Variants in UBN2 observed in about 807,000 individuals in gnomAD.
The protein encoded by UBN2 is ubinuclein 2.
In UBN2, 35 loss-of-function variants were observed where a neutral mutation model predicts 120.2. That is an observed-to-expected ratio of 0.29 (90% CI 0.22 to 0.39). The LOEUF is 0.39. Ranked by LOEUF, UBN2 falls within the 10% of genes least tolerant of loss-of-function variation. The probability of loss-of-function intolerance (pLI) is 1.00; values close to 1 mark genes in which losing one functional copy is unlikely to be tolerated. For synonymous variants in UBN2, 661 were observed against 648.7 expected (o/e 1.02, Z -0.29); for missense variants, 1,693 against 1,663.2 (o/e 1.02, Z -0.31).
intron 13 of UBN2, among the ~76,000 whole-genome samples, chr7:139,279,827 CTT>C (rs1423074764): frequency 2.0e-5 from 3 of 152,092 alleles, no homozygotes; most frequent in Non-Finnish European, 4.4e-5. Context: ...CAGGTTAAAA[CTT>C]GGGATGAAAT....
chr7:139,323,815 G>T, the UBN2 span, among the ~76,000 whole-genome samples: 1 of 151,800 alleles, frequency 6.6e-6, no homozygotes, highest in Non-Finnish European at 1.5e-5. Context: ...GTCTCGAATG[G>T]ATGTGATTTT....
chr7:139,294,852 T>A (rs1045807768), intron 17 of UBN2, among the ~76,000 whole-genome samples: 1 of 152,030 alleles, frequency 6.6e-6, no homozygotes, highest in African/African-American at 2.4e-5. Context: ...AAAAAAAAAT[T>A]AATATGATCC....
intron 2 of UBN2, among the ~76,000 whole-genome samples, chr7:139,243,736 C>T (rs1796385763): frequency 6.6e-6 from 1 of 152,116 alleles, no homozygotes; most frequent in Non-Finnish European, 1.5e-5. Context: ...TAGAAAACTA[C>T]TCTAATGGCC....
At chr7:139,245,793 A>G (rs369256889) in intron 2 of UBN2, among the ~76,000 whole-genome samples, 2 of 152,358 alleles carry the variant, frequency 1.3e-5, no homozygotes, top group East Asian at 1.9e-4. Flanking sequence ...AGTGAGTAGC[A>G]GGAGACTATC....
intron 12 of UBN2, among the ~76,000 whole-genome samples, chr7:139,278,127 C>T (rs975178012): frequency 6.6e-6 from 1 of 151,532 alleles, no homozygotes; most frequent in Non-Finnish European, 1.5e-5. Context: ...ATAATGCATT[C>T]CTTTAATTCT....
At chr7:139,269,180 A>G (rs184724458) in intron 7 of UBN2, among the ~76,000 whole-genome samples, 1 of 152,106 alleles carries the variant, frequency 6.6e-6, no homozygotes, top group African/African-American at 2.4e-5. Context: ...TTGCACTCCA[A>G]CCTGGGCTAC....
At chr7:139,270,082 G>A (rs529766454) in intron 8 of UBN2, among the ~76,000 whole-genome samples, 3 of 152,166 alleles carry the variant, frequency 2.0e-5, no homozygotes, top group Non-Finnish European at 2.9e-5. Context: ...ATGGAAGAAA[G>A]ATATCTTATC....
In UBN2 at chr7:139,261,290, A is replaced by G. The variant is rs370486635; in HGVS notation, c.944A>G (p.Lys315Arg). The G allele has an allele frequency of 6.2e-7, 1 of 1,610,296 alleles. No homozygotes were observed. The highest frequency in any genetic ancestry group is 1.7e-5 in the Admixed American group (1 of 58,680). Reference sequence around the variant, plus strand: ...AATTCACACAAGTCTGAAAAAAAGAAGAAACGTTATAAAGATTCTCTTTCT... The same window carrying G: ...AATTCACACAAGTCTGAAAAAAAGAGGAAACGTTATAAAGATTCTCTTTCT... ...ALNSHKSEKKKKRYKDSLSLA... is the reference protein window; with the variant it reads ...ALNSHKSEKKRKRYKDSLSLA... The change falls in exon 6 of 18, where the codon AAG becomes AGG. Residue 315 changes from lysine to arginine, a missense_variant. By Grantham distance (26) the Lys-to-Arg change is conservative. Around this residue, in one of 5 missense-constraint regions of UBN2, gnomAD observed 663 missense variants for 591.2 expected, o/e 1.12. Transcript: ENST00000473989.
At chr7:139,255,957 A>C (rs1411147934) in intron 3 of UBN2, among the ~76,000 whole-genome samples, 1 of 152,220 alleles carries the variant, frequency 6.6e-6, no homozygotes, top group Non-Finnish European at 1.5e-5. Context: ...TTTGTGAAGT[A>C]ATATTGTCCC....
intron 13 of UBN2, among the ~76,000 whole-genome samples, chr7:139,280,925 T>TG (rs1797589583): frequency 1.3e-5 from 2 of 152,248 alleles, no homozygotes; most frequent in African/African-American, 4.8e-5. Context: ...ATTACAGGCA[T>TG]GCGCCACTAT....
intron 6 of UBN2, 45 bp from the exon 7 acceptor site, chr7:139,266,288 G>A: frequency 8.7e-7 from 1 of 1,146,384 alleles, no homozygotes; most frequent in South Asian, 1.4e-5. Context: ...GCAAAATAGA[G>A]TAATGGCCTA....
intron 13 of UBN2, among the ~76,000 whole-genome samples, chr7:139,281,044 CTT>C (rs1797592765): frequency 6.6e-6 from 1 of 152,166 alleles, no homozygotes; most frequent in African/African-American, 2.4e-5. Context: ...TGTTTTGACA[CTT>C]GACTTTATTT....
the UBN2 span, among the ~76,000 whole-genome samples, chr7:139,317,825 G>A: frequency 6.6e-6 from 1 of 152,038 alleles, no homozygotes. Flanking sequence ...ACCATGCCCA[G>A]GTAATTTTTG....
At chr7:139,240,839 A>G (rs1393255173) in intron 2 of UBN2, among the ~76,000 whole-genome samples, 1 of 152,164 alleles carries the variant, frequency 6.6e-6, no homozygotes, top group East Asian at 1.9e-4. Flanking sequence ...GGTCAATATG[A>G]CTATTAAGTA....
Position 139,282,039 on chromosome 7 carries a change from T to C in UBN2, c.2102T>C (p.Phe701Ser). The C allele has an allele frequency of 6.2e-7, 1 of 1,613,488 alleles. No individual in the cohort carries two copies. Among genetic ancestry groups the C allele is most frequent in the Non-Finnish European group, 8.5e-7 (1 of 1,179,576 alleles). ...VMVKTLPLHSFPTMLKECSPK... is the reference protein window; with the variant it reads ...VMVKTLPLHSSPTMLKECSPK... ...GTAAAGACCCTTCCTCTCCATTCTTTCCCCACTATGCTTAAGGTAAGTGCT... is the reference window on the plus strand; with the variant it reads ...GTAAAGACCCTTCCTCTCCATTCTTCCCCCACTATGCTTAAGGTAAGTGCT... Residue 701 changes from phenylalanine (F) to serine (S), a missense_variant, in exon 14 of 18, where the codon TTC becomes TCC. Coordinates refer to ENST00000473989, the MANE Select transcript of UBN2 (RefSeq NM_173569.4).
chr7:139,316,765 A>ATG, the UBN2 span, among the ~76,000 whole-genome samples: 6,278 of 150,804 alleles, frequency 0.042, 264 homozygotes, highest in African/African-American at 0.11. Flanking sequence ...AAAATTATGT[A>ATG]TGTGTGTGTG....
chr7:139,258,808 A>G (rs1016046784), intron 4 of UBN2, among the ~76,000 whole-genome samples, 183 bp downstream of exon 4: 1 of 152,174 alleles, frequency 6.6e-6, no homozygotes, highest in Non-Finnish European at 1.5e-5. Context: ...TATTTACATC[A>G]TAGAATTATA....
chr7:139,292,789 G>A (rs2131063405), intron 15 of UBN2, among the ~76,000 whole-genome samples: 1 of 152,294 alleles, frequency 6.6e-6, no homozygotes, highest in Non-Finnish European at 1.5e-5. Context: ...TCATGGCGAG[G>A]AAGAACACCT....
chr7:139,303,668 A>G lies in UBN2; in HGVS notation c.*5832A>G, dbSNP rs902749894. 16 of 152,220 alleles carry G rather than the reference A, an allele frequency of 1.1e-4. No individual in the cohort carries two copies. Among genetic ancestry groups the G allele is most frequent in the African/African-American group, 3.6e-4 (15 of 41,456 alleles). 9.4% of individuals were successfully genotyped at this position (152,220 alleles called of 1,614,324 possible). A position where few individuals can be genotyped will look rare whatever the true frequency, so the allele number is the denominator to read the frequency against. On this transcript the variant is annotated 3_prime_UTR_variant, in exon 18 of 18. Coordinates refer to ENST00000473989, the MANE Select transcript of UBN2 (RefSeq NM_173569.4). ...TTTGAGTTTTTGTAAAATGTCCTAT[A>G]TAATTAAAAATAGTATTATCATCTT...
Sources: gnomAD v4.1 joint callset for allele counts (sites outside exome capture counted in the v4.1 genomes callset) on GRCh38, gnomAD v4.1.1 for gene constraint, gnomAD v4.1.1 regional missense constraint, MANE v1.5 for transcripts, NCBI Gene and HGNC (gene_info 2026-07-23, HGNC 2026-07-21) for gene names.